KCNMA1: variants seen among roughly 807,000 people sequenced by gnomAD.
KCNMA1 encodes the protein Calcium-activated potassium channel subunit alpha-1.
In KCNMA1, 29 loss-of-function variants were observed where a neutral mutation model predicts 140.0. That is an observed-to-expected ratio of 0.21 (90% CI 0.15 to 0.28). The LOEUF (loss-of-function observed/expected upper bound fraction) is 0.28, where lower values mean the gene tolerates loss of function less well. Among genes scored for constraint, KCNMA1 ranks in the 10% least tolerant of loss-of-function variants. The pLI, the probability that KCNMA1 is intolerant of heterozygous loss-of-function variation, is 1.00. For missense variants in KCNMA1, 880 were observed against 1,602.2 expected (o/e 0.55, Z 7.70); for synonymous variants, 612 against 611.9 (o/e 1.00, Z 0.00).
chr10:77,319,850 GCCT>G (rs2081883676), intron 2 of KCNMA1, among the ~76,000 whole-genome samples: 1 of 152,156 alleles, frequency 6.6e-6, no homozygotes, highest in South Asian at 2.1e-4. Context: ...CCTCCTACTG[GCCT>G]CCTACCTTCA....
At chr10:77,221,641 G>A (rs1363368242) in intron 3 of KCNMA1, among the ~76,000 whole-genome samples, 1 of 152,156 alleles carries the variant, frequency 6.6e-6, no homozygotes, top group Non-Finnish European at 1.5e-5. Flanking sequence ...AACAGGTCAT[G>A]TATGCCACAG....
intron 23 of KCNMA1, among the ~76,000 whole-genome samples, chr10:76,936,683 A>T (rs2060645058): frequency 6.6e-6 from 1 of 152,164 alleles, no homozygotes; most frequent in Admixed American, 6.5e-5. Context: ...TCTGCAAGAA[A>T]CAGTGAGCAG....
At chr10:77,397,652 C>T (rs769181870) in intron 2 of KCNMA1, among the ~76,000 whole-genome samples, 1 of 152,124 alleles carries the variant, frequency 6.6e-6, no homozygotes, top group Non-Finnish European at 1.5e-5. Flanking sequence ...AGTATGAGTG[C>T]AGTTTTGTCA....
intron 14 of KCNMA1, among the ~76,000 whole-genome samples, chr10:77,044,109 C>A (rs1423802866): frequency 6.6e-6 from 1 of 152,128 alleles, no homozygotes; most frequent in Non-Finnish European, 1.5e-5. Context: ...CATGCCAGAA[C>A]AAGGACACGA....
At chr10:77,414,584 C>T (rs1049823421) in intron 1 of KCNMA1, among the ~76,000 whole-genome samples, 3 of 152,120 alleles carry the variant, frequency 2.0e-5, no homozygotes, top group Non-Finnish European at 2.9e-5. Context: ...CTCCGCCTCC[C>T]AGGTTCAAAC....
intron 20 of KCNMA1, among the ~76,000 whole-genome samples, chr10:76,966,422 C>T (rs747436174): frequency 6.6e-6 from 1 of 152,156 alleles, no homozygotes; most frequent in Non-Finnish European, 1.5e-5. Flanking sequence ...AATCCATTAA[C>T]CTGCTTCAAC....
chr10:77,159,951 C>G (rs1303266898), intron 5 of KCNMA1, among the ~76,000 whole-genome samples: 1 of 152,172 alleles, frequency 6.6e-6, no homozygotes, highest in Non-Finnish European at 1.5e-5. Context: ...TTCAGTAAGA[C>G]TTGACACAGT....
At chr10:76,927,770 A>G (rs2058135772) in intron 23 of KCNMA1, among the ~76,000 whole-genome samples, 1 of 152,220 alleles carries the variant, frequency 6.6e-6, no homozygotes, top group Admixed American at 6.5e-5. Flanking sequence ...GGAAAGGGTC[A>G]GGTAATTTAC....
intron 2 of KCNMA1, among the ~76,000 whole-genome samples, chr10:77,267,427 T>G (rs2063747145): frequency 6.6e-6 from 1 of 152,224 alleles, no homozygotes; most frequent in Non-Finnish European, 1.5e-5. Context: ...GCCTTTGTTC[T>G]TTTAATCCAT....
intron 1 of KCNMA1, among the ~76,000 whole-genome samples, chr10:77,596,931 T>C (rs1488626396): frequency 6.6e-6 from 1 of 152,206 alleles, no homozygotes; most frequent in Non-Finnish European, 1.5e-5. Flanking sequence ...AGAGTAGCTA[T>C]TTAGCAACTA....
At chr10:77,365,261 C>A (rs991047671) in intron 2 of KCNMA1, among the ~76,000 whole-genome samples, 4 of 152,200 alleles carry the variant, frequency 2.6e-5, no homozygotes, top group African/African-American at 9.7e-5. Flanking sequence ...TTGTCACTGT[C>A]TCCTTCAAAA....
At chr10:77,362,007 G>T (rs2093988265) in intron 2 of KCNMA1, among the ~76,000 whole-genome samples, 2 of 152,156 alleles carry the variant, frequency 1.3e-5, no homozygotes, top group South Asian at 4.1e-4. Context: ...TTGTAGCCAT[G>T]CCAGGCCCAG....
chr10:77,387,723 T>G (rs1479436253), intron 2 of KCNMA1, among the ~76,000 whole-genome samples: 4 of 152,070 alleles, frequency 2.6e-5, no homozygotes, highest in Admixed American at 6.6e-5. Context: ...GTTCAAGTGA[T>G]TCTCCTGCCT....
At chr10:77,412,150 T>C (rs911923425) in intron 1 of KCNMA1, among the ~76,000 whole-genome samples, 13 of 152,304 alleles carry the variant, frequency 8.5e-5, no homozygotes, top group African/African-American at 2.6e-4. Flanking sequence ...CCCTGGAAGC[T>C]GGATGTTCTG....
chr10:77,452,081 T>C (rs1424210880), intron 1 of KCNMA1, among the ~76,000 whole-genome samples: 2 of 152,238 alleles, frequency 1.3e-5, no homozygotes, highest in Non-Finnish European at 1.5e-5. Context: ...GAGAGCAAAG[T>C]GCTTTTTAAC....
intron 23 of KCNMA1, among the ~76,000 whole-genome samples, chr10:76,920,310 C>A (rs1179478230): frequency 6.6e-6 from 1 of 151,936 alleles, no homozygotes; most frequent in African/African-American, 2.4e-5. Context: ...ATAGCCAACA[C>A]TTACTGAGTG....
At chr10:77,342,308 G>A (rs752328699) in intron 2 of KCNMA1, among the ~76,000 whole-genome samples, 2 of 152,164 alleles carry the variant, frequency 1.3e-5, no homozygotes, top group Admixed American at 1.3e-4. Flanking sequence ...GCACATGCAA[G>A]GGCTTTGCAT....
At chr10:77,324,955 CTCTCTCTCTCTCTCTCTGTG>C (rs1271286649) in intron 2 of KCNMA1, among the ~76,000 whole-genome samples, 11 of 104,196 alleles carry the variant, frequency 1.1e-4, no homozygotes, top group South Asian at 3.7e-4. Context: ...CTCTCTCTCT[CTCTCTCTCTCTCTCTCTGTG>C]TGTGTGTGTG....
At chr10:76,984,132 C>T (rs537311179) in intron 19 of KCNMA1, among the ~76,000 whole-genome samples, 2 of 152,042 alleles carry the variant, frequency 1.3e-5, no homozygotes, top group African/African-American at 4.8e-5. Context: ...GTTCTGGCCC[C>T]GAGAGAAAGG....
Sources: allele counts gnomAD v4.1 joint callset (sites outside exome capture counted in the v4.1 genomes callset), GRCh38; gene constraint gnomAD v4.1.1; transcripts MANE v1.5; gene names NCBI Gene and HGNC (gene_info 2026-07-23, HGNC 2026-07-21).